Variants in ITGA1 observed in about 807,000 individuals in gnomAD.
ITGA1 encodes the protein integrin subunit alpha 1.
A neutral mutation model predicts 145.9 loss-of-function variants in ITGA1; 85 were observed. The observed-to-expected ratio is 0.58, with a 90% CI of 0.49 to 0.70. The LOEUF (loss-of-function observed/expected upper bound fraction) is 0.70, where lower values mean the gene tolerates loss of function less well. Among genes scored for constraint, ITGA1 ranks in the 30% least tolerant of loss-of-function variants. The probability of loss-of-function intolerance (pLI) is 0.00; values close to 1 mark genes in which losing one functional copy is unlikely to be tolerated. For synonymous variants in ITGA1, 520 were observed against 495.3 expected, an observed-to-expected ratio of 1.05 and a Z score of -0.66; for missense variants, 1,351 against 1,418.7, an observed-to-expected ratio of 0.95 and a Z score of 0.77.
At chr5:52,850,666 AT>A (rs565662963) in intron 2 of ITGA1, among the ~76,000 whole-genome samples, 23 of 152,294 alleles carry the variant, frequency 1.5e-4, no homozygotes, top group African/African-American at 5.5e-4. Context: ...GAGTTCTCAC[AT>A]TTTTTAAGTA....
chr5:52,849,399 T>C lies in ITGA1; in HGVS notation c.96T>C (p.Asp32=). The change falls in exon 2 of 29, where the codon GAT becomes GAC. Residue 32 remains aspartate, a synonymous_variant. Coordinates refer to ENST00000282588, the MANE Select transcript of ITGA1 (RefSeq NM_181501.2). ...VLRCCVSFNV[D]VKNSMTFSGP... is the part of the protein sequence containing the mutation. The stretch of plus-strand genomic sequence containing the variant: ...GCTGCTGCGTATCATTCAATGTTGA[T>C]GTGAAAAATTCAATGACTTTCAGCG... 1 of 1,612,182 alleles carries C rather than the reference T, an allele frequency of 6.2e-7. No homozygotes were observed. The highest frequency in any genetic ancestry group is 8.5e-7 in the Non-Finnish European group (1 of 1,179,054).
chr5:52,921,670 G>A (rs1750731687), intron 17 of ITGA1, among the ~76,000 whole-genome samples: 1 of 152,178 alleles, frequency 6.6e-6, no homozygotes, highest in Non-Finnish European at 1.5e-5. Context: ...CCAGGTACTG[G>A]TGTTTAAAGG....
intron 21 of ITGA1, chr5:52,931,793 G>T: frequency 3.4e-6 from 1 of 298,144 alleles, no homozygotes. Context: ...TATCAATATT[G>T]TCATAGAATT....
At chr5:52,941,667 T>A (rs11954863) in intron 26 of ITGA1, among the ~76,000 whole-genome samples, 37,672 of 152,156 alleles carry the variant, frequency 0.25, 5,709 homozygotes, top group South Asian at 0.34. Context: ...TTCCTTATTC[T>A]GGATATTAGA....
chr5:52,943,016 G>GA (rs1323102617), intron 26 of ITGA1, among the ~76,000 whole-genome samples: 1 of 152,042 alleles, frequency 6.6e-6, no homozygotes, highest in Non-Finnish European at 1.5e-5. Context: ...ATTACCAGTG[G>GA]AAAAAAGATA....
chr5:52,810,039 G>A (rs1748661639), intron 1 of ITGA1, among the ~76,000 whole-genome samples: 1 of 151,782 alleles, frequency 6.6e-6, no homozygotes, highest in Non-Finnish European at 1.5e-5. Flanking sequence ...CCATGTTTTT[G>A]TTGTCTCCTC....
intron 1 of ITGA1, among the ~76,000 whole-genome samples, chr5:52,792,808 T>G (rs1234194804): frequency 6.6e-6 from 1 of 152,168 alleles, no homozygotes; most frequent in African/African-American, 2.4e-5. Flanking sequence ...GAAACTGAGA[T>G]GAAAGATATT....
At chr5:52,822,953 C>A (rs895952617) in intron 1 of ITGA1, among the ~76,000 whole-genome samples, 1 of 152,150 alleles carries the variant, frequency 6.6e-6, no homozygotes, top group African/African-American at 2.4e-5. Context: ...GACACTGTCT[C>A]ATTAGATGGT....
At chr5:52,828,707 A>T (rs1749008182) in intron 1 of ITGA1, among the ~76,000 whole-genome samples, 1 of 152,162 alleles carries the variant, frequency 6.6e-6, no homozygotes, top group Admixed American at 6.5e-5. Flanking sequence ...TACTGTACCA[A>T]ATTAGTACAA....
rs921049809 is a variant in ITGA1, at chr5:52,955,449, C to T, written c.*2998C>T. 9 of 152,112 alleles carry T rather than the reference C, an allele frequency of 5.9e-5. No homozygotes were observed. Among genetic ancestry groups the T allele is most frequent in the Admixed American group, 1.3e-4 (2 of 15,268 alleles). The allele number at this position is 152,112 out of a possible 1,614,324, so 9.4% of individuals were successfully genotyped here. A position where few individuals can be genotyped will look rare whatever the true frequency, so the allele number is the denominator to read the frequency against. ...CATATCCAATGACACACAGTATAAT[C>T]ATGTTTTAAATTATGCCAAAAGTAC... On this transcript the variant is annotated 3_prime_UTR_variant, in exon 29 of 29. Coordinates refer to ENST00000282588, the MANE Select transcript of ITGA1 (RefSeq NM_181501.2).
At chr5:52,805,205 A>G (rs1748566810) in intron 1 of ITGA1, among the ~76,000 whole-genome samples, 1 of 152,132 alleles carries the variant, frequency 6.6e-6, no homozygotes, top group Non-Finnish European at 1.5e-5. Flanking sequence ...GAAGTGTGCT[A>G]ATCACCTAAG....
At chr5:52,923,703 T>C (rs1750763784) in intron 18 of ITGA1, among the ~76,000 whole-genome samples, 1 of 152,240 alleles carries the variant, frequency 6.6e-6, no homozygotes, top group South Asian at 2.1e-4. Flanking sequence ...AACTAATAAA[T>C]GACACTCATT....
chr5:52,816,973 C>A (rs891784237), intron 1 of ITGA1, among the ~76,000 whole-genome samples: 2 of 152,080 alleles, frequency 1.3e-5, no homozygotes, highest in African/African-American at 2.4e-5. Flanking sequence ...AGAATTGGCA[C>A]CCTAAAAGCA....
In ITGA1 at chr5:52,810,496, G is replaced by T. The variant is rs1748668254; in HGVS notation, c.61+22082G>T. ...ATGGTAGAAGGAAAGAACATTTTCT[G>T]CAGAAGGGAGAAAAAAACCACAATC... On this transcript the variant is annotated intron_variant, in intron 1 of 28. Coordinates refer to ENST00000282588, the MANE Select transcript of ITGA1 (RefSeq NM_181501.2). Among the ~76,000 whole-genome samples, 3 of 152,322 alleles carry T rather than the reference G, an allele frequency of 2.0e-5. 1 individual carries two copies. In the South Asian group the frequency reaches 6.2e-4, roughly 32 times the overall value.
chr5:52,819,201 A>G (rs1320232769), intron 1 of ITGA1, among the ~76,000 whole-genome samples: 2 of 152,234 alleles, frequency 1.3e-5, no homozygotes, highest in African/African-American at 2.4e-5. Flanking sequence ...TTCTAGTTCT[A>G]GATCCCTGAG....
At chr5:52,927,727 A>T in intron 20 of ITGA1, 63 bp downstream of exon 20, 1 of 1,046,106 alleles carries the variant, frequency 9.6e-7, no homozygotes, top group Non-Finnish European at 1.5e-6. Context: ...TGCAAAGACA[A>T]ATATATAAAT....
At chr5:52,935,867 T>C (rs766294922) in intron 23 of ITGA1, among the ~76,000 whole-genome samples, 10 of 151,912 alleles carry the variant, frequency 6.6e-5, no homozygotes, top group African/African-American at 9.7e-5. Context: ...AGTTGAAGTA[T>C]AGGAAACGTT....
At chr5:52,933,850 TAA>T (rs1750926612) in intron 22 of ITGA1, 42 bp from the exon 23 acceptor site, 1 of 1,008,404 alleles carries the variant, frequency 9.9e-7, no homozygotes, top group Non-Finnish European at 1.4e-6. Flanking sequence ...AAATAAAAGT[TAA>T]ACTTTGTTAT....
intron 16 of ITGA1, among the ~76,000 whole-genome samples, chr5:52,919,599 G>A (rs1750701819): frequency 6.6e-6 from 1 of 152,100 alleles, no homozygotes; most frequent in Non-Finnish European, 1.5e-5. Context: ...CTTAAAATCT[G>A]TTTTTCTTGA....
Sources: gnomAD v4.1 joint callset for allele counts (sites outside exome capture counted in the v4.1 genomes callset) on GRCh38, gnomAD v4.1.1 for gene constraint, MANE v1.5 for transcripts, NCBI Gene and HGNC (gene_info 2026-07-23, HGNC 2026-07-21) for gene names.